Variants in ZNF385B observed in about 807,000 individuals in gnomAD.
ZNF385B encodes zinc finger protein 385B.
In ZNF385B, 23 loss-of-function variants were observed where a neutral mutation model predicts 39.2. The observed-to-expected ratio is 0.59, with a 90% confidence interval of 0.42 to 0.83. The LOEUF (loss-of-function observed/expected upper bound fraction) is 0.83. ZNF385B is among the 40% of genes least tolerant of loss of function. The pLI is 0.00. For missense variants in ZNF385B, 552 were observed against 598.9 expected, an observed-to-expected ratio of 0.92 and a Z score of 0.82; for synonymous variants, 205 against 222.6, an observed-to-expected ratio of 0.92 and a Z score of 0.70.
intron 3 of ZNF385B, among the ~76,000 whole-genome samples, chr2:179,680,626 G>C (rs190314610): frequency 6.6e-6 from 1 of 151,998 alleles, no homozygotes; most frequent in Non-Finnish European, 1.5e-5. Context: ...TAAACTGTTC[G>C]CAGGTATGTT....
chr2:179,724,344 A>G (rs1700872785), intron 3 of ZNF385B, among the ~76,000 whole-genome samples: 1 of 152,132 alleles, frequency 6.6e-6, no homozygotes, highest in African/African-American at 2.4e-5. Context: ...TAACAAAGGC[A>G]TCAGAAAACT....
chr2:179,805,218 A>G (rs1318689359), intron 1 of ZNF385B, among the ~76,000 whole-genome samples: 1 of 152,180 alleles, frequency 6.6e-6, no homozygotes, highest in African/African-American at 2.4e-5. Flanking sequence ...GTACTGGTTA[A>G]ACACTCCAGA....
intron 5 of ZNF385B, among the ~76,000 whole-genome samples, chr2:179,496,934 A>T (rs1559344973): frequency 6.6e-6 from 1 of 152,210 alleles, no homozygotes; most frequent in East Asian, 1.9e-4. Flanking sequence ...CTGTAATCCC[A>T]GCTACTTGAG....
chr2:179,833,172 T>C (rs1232107620), intron 1 of ZNF385B, among the ~76,000 whole-genome samples: 2 of 152,164 alleles, frequency 1.3e-5, no homozygotes, highest in Non-Finnish European at 2.9e-5. Flanking sequence ...TAATTTTATT[T>C]AGGCACAATT....
intron 6 of ZNF385B, among the ~76,000 whole-genome samples, chr2:179,466,335 C>T (rs2052009662): frequency 1.3e-5 from 2 of 151,780 alleles, no homozygotes; most frequent in African/African-American, 4.8e-5. Context: ...AAAAAATGTA[C>T]CTCTGATAAC....
chr2:179,788,399 T>C (rs1705130647), intron 1 of ZNF385B, among the ~76,000 whole-genome samples: 1 of 152,148 alleles, frequency 6.6e-6, no homozygotes, highest in Admixed American at 6.6e-5. Flanking sequence ...CTTTGTTCTA[T>C]TGGGTCAAAG....
chr2:179,559,585 TTTTC>T (rs1307898684), intron 3 of ZNF385B, among the ~76,000 whole-genome samples: 4 of 152,284 alleles, frequency 2.6e-5, no homozygotes, highest in African/African-American at 4.8e-5. Context: ...TGAAATTTCT[TTTTC>T]TTTATTTTTT....
At chr2:179,774,020 T>C (rs1045246998) in intron 1 of ZNF385B, among the ~76,000 whole-genome samples, 3 of 151,982 alleles carry the variant, frequency 2.0e-5, no homozygotes, top group Non-Finnish European at 2.9e-5. Flanking sequence ...ATGTGCTTTA[T>C]GTGTTTGTGG....
At chr2:179,557,343 T>C (rs2060973410) in intron 3 of ZNF385B, among the ~76,000 whole-genome samples, 1 of 146,228 alleles carries the variant, frequency 6.8e-6, no homozygotes. Context: ...AATGAGATTT[T>C]AATTTTACTG....
chr2:179,810,604 T>G (rs1446613085), intron 1 of ZNF385B, among the ~76,000 whole-genome samples: 1 of 152,012 alleles, frequency 6.6e-6, no homozygotes, highest in African/African-American at 2.4e-5. Context: ...ATCATCATCA[T>G]CATCATTTCC....
At chr2:179,478,924 T>C (rs1478124677) in intron 6 of ZNF385B, among the ~76,000 whole-genome samples, 3 of 152,286 alleles carry the variant, frequency 2.0e-5, no homozygotes, top group Non-Finnish European at 4.4e-5. Context: ...ATTATGACAC[T>C]TGAACTCCAG....
At position 179,523,849 on chromosome 2, in the gene ZNF385B, G is replaced by A. The variant is rs142006862; in HGVS notation, c.442-5211C>T. ...ATTGTGTTGCTCAGTCTGGAGAGCA[G>A]TGGCATGACTGAAGCCTTAAACTCA... On this transcript the variant is annotated intron_variant, in intron 4 of 9. Transcript: ENST00000410066. 2.7e-3 allele frequency among the ~76,000 whole-genome samples: 406 copies of A among 152,288 alleles called. 2 individuals carry two copies. The highest frequency in any genetic ancestry group is 9.4e-3 in the African/African-American group (391 of 41,568).
At chr2:179,703,391 G>A (rs554976288) in intron 3 of ZNF385B, among the ~76,000 whole-genome samples, 35 of 152,080 alleles carry the variant, frequency 2.3e-4, no homozygotes, top group African/African-American at 7.2e-4. Context: ...CAACATACAC[G>A]CACTTCAAAA....
intron 3 of ZNF385B, among the ~76,000 whole-genome samples, chr2:179,765,771 TCA>T (rs774066518): frequency 2.6e-5 from 4 of 152,022 alleles, no homozygotes; most frequent in Non-Finnish European, 5.9e-5. Context: ...ACAAAGAAAC[TCA>T]CAACTACTTT....
intron 4 of ZNF385B, among the ~76,000 whole-genome samples, chr2:179,530,251 C>A (rs1387959156): frequency 6.6e-6 from 1 of 152,020 alleles, no homozygotes; most frequent in African/African-American, 2.4e-5. Flanking sequence ...AAAAATAAAT[C>A]TGAGAAATAT....
At chr2:179,650,242 T>C (rs769442425) in intron 3 of ZNF385B, among the ~76,000 whole-genome samples, 49 of 152,138 alleles carry the variant, frequency 3.2e-4, no homozygotes, top group Admixed American at 5.9e-4. Flanking sequence ...GAGTGAGAGA[T>C]TTCACCTGGA....
In ZNF385B at chr2:179,838,547, C is replaced by T. The variant is rs1256330013; in HGVS notation, c.-155+22554G>A. ...ATCATTGTTACAATACATACAGCTC[C>T]TTCCCCTCTGCAACTCCAAAGGAAA... is the stretch of plus-strand genomic sequence containing the variant. On this transcript the variant is annotated intron_variant, in intron 1 of 9. Transcript: ENST00000410066. Among the ~76,000 whole-genome samples the T allele has an allele frequency of 2.6e-5, 4 of 152,292 alleles. No individual in the cohort carries two copies. In the South Asian group the frequency reaches 8.3e-4, roughly 32 times the overall value.
At chr2:179,569,394 G>A (rs1021531786) in intron 3 of ZNF385B, among the ~76,000 whole-genome samples, 1 of 152,102 alleles carries the variant, frequency 6.6e-6, no homozygotes, top group African/African-American at 2.4e-5. Flanking sequence ...GCCAAATAAA[G>A]CTCTGAAATA....
At chr2:179,808,158 C>A (rs985563813) in intron 1 of ZNF385B, among the ~76,000 whole-genome samples, 2 of 151,784 alleles carry the variant, frequency 1.3e-5, no homozygotes, top group Admixed American at 6.6e-5. Flanking sequence ...TTAGCCTCCC[C>A]AGCAGCTGGG....
Sources: gnomAD v4.1 joint callset for allele counts (sites outside exome capture counted in the v4.1 genomes callset) on GRCh38, gnomAD v4.1.1 for gene constraint, MANE v1.5 for transcripts, NCBI Gene and HGNC (gene_info 2026-07-23, HGNC 2026-07-21) for gene names.